The following TAFA1 variants were observed in gnomAD, a reference collection of about 807,000 sequenced individuals.
The protein encoded by TAFA1 is TAFA chemokine like family member 1, also known as chemokine-like protein TAFA-1.
Under a neutral mutation model 18.5 loss-of-function variants are expected in TAFA1, and 4 were observed. The ratio of observed to expected loss-of-function variants is 0.22; its 90% CI spans 0.11 to 0.49. The LOEUF (loss-of-function observed/expected upper bound fraction) is 0.49, where lower values mean the gene tolerates loss of function less well. TAFA1 is among the 20% of genes least tolerant of loss of function. The pLI is 0.98. For synonymous variants in TAFA1, 56 were observed against 55.2 expected, an observed-to-expected ratio of 1.01 and a Z score of -0.06; for missense variants, 147 against 169.0, an observed-to-expected ratio of 0.87 and a Z score of 0.72.
intron 2 of TAFA1, among the ~76,000 whole-genome samples, chr3:68,308,106 A>G (rs989395404): frequency 5.3e-4 from 81 of 152,290 alleles, no homozygotes; most frequent in African/African-American, 1.9e-3. Context: ...AGGAGCCTCA[A>G]AATGATGGAG....
intron 2 of TAFA1, among the ~76,000 whole-genome samples, chr3:68,159,345 CA>C (rs1267221998): frequency 8.6e-5 from 13 of 151,972 alleles, no homozygotes; most frequent in African/African-American, 2.9e-4. Flanking sequence ...TAAAATTCCG[CA>C]AATTGTGCTC....
At position 68,436,281 on chromosome 3, in the gene TAFA1, G is replaced by A. The variant is rs773367848; in HGVS notation, c.259+18861G>A. Among the ~76,000 whole-genome samples the A allele has an allele frequency of 6.6e-5, 10 of 152,218 alleles. No individual in the cohort carries two copies. The South Asian group carries it at 1.7e-3, about 25-fold the overall frequency. ...TGCCCTGCCCTTAGTTTCTTCATTTGTAAGGTGGGCATAACAGTATCTACC... is the reference window on the plus strand; with the variant it reads ...TGCCCTGCCCTTAGTTTCTTCATTTATAAGGTGGGCATAACAGTATCTACC... On this transcript the variant is annotated intron_variant, in intron 3 of 4. Transcript: ENST00000478136.
chr3:68,319,065 T>A (rs1209171530), intron 2 of TAFA1, among the ~76,000 whole-genome samples: 1 of 152,210 alleles, frequency 6.6e-6, no homozygotes, highest in Non-Finnish European at 1.5e-5. Flanking sequence ...ACTTGAGGTA[T>A]CTTGGGTCCT....
chr3:68,478,320 C>T (rs1209981388), intron 3 of TAFA1, among the ~76,000 whole-genome samples: 1 of 152,120 alleles, frequency 6.6e-6, no homozygotes, highest in Non-Finnish European at 1.5e-5. Context: ...GCAAGAAAGT[C>T]AACAGGCCCT....
At chr3:68,206,193 A>T (rs1256381789) in intron 2 of TAFA1, among the ~76,000 whole-genome samples, 2 of 151,862 alleles carry the variant, frequency 1.3e-5, no homozygotes, top group African/African-American at 4.8e-5. Flanking sequence ...TTTGAAAGAG[A>T]TATATTATGT....
At chr3:68,290,848 G>C (rs780299505) in intron 2 of TAFA1, among the ~76,000 whole-genome samples, 41 of 151,640 alleles carry the variant, frequency 2.7e-4, no homozygotes, top group Non-Finnish European at 4.9e-4. Context: ...TATCAACTGT[G>C]AATAGATAAA....
At chr3:68,185,126 A>T (rs542651519) in intron 2 of TAFA1, among the ~76,000 whole-genome samples, 5 of 152,228 alleles carry the variant, frequency 3.3e-5, no homozygotes, top group African/African-American at 7.2e-5. Context: ...CTAAGTGGAG[A>T]TGTGTAGCCA....
intron 2 of TAFA1, among the ~76,000 whole-genome samples, chr3:68,040,916 T>C (rs981181221): frequency 1.3e-5 from 2 of 152,230 alleles, no homozygotes; most frequent in African/African-American, 4.8e-5. Flanking sequence ...AAACTTTTTT[T>C]CTTTAATAAC....
rs180895802 is a variant in TAFA1 at position 68,286,890 on chromosome 3, A to T, written c.119-130390A>T. ...AACAAAAGGAGACCACCTCAACAGG[A>T]CAGCCAGGCCCCCTGACATCAAGCT... On this transcript the variant is annotated intron_variant, in intron 2 of 4. Coordinates refer to ENST00000478136, the MANE Select transcript of TAFA1 (RefSeq NM_213609.4). Among the ~76,000 whole-genome samples the T allele has an allele frequency of 2.0e-4, 30 of 152,346 alleles. No individual in the cohort carries two copies. The East Asian group carries it at 5.6e-3, about 28-fold the overall frequency.
intron 2 of TAFA1, among the ~76,000 whole-genome samples, chr3:68,050,614 C>A (rs1366259680): frequency 2.0e-5 from 3 of 152,098 alleles, no homozygotes; most frequent in African/African-American, 7.2e-5. Flanking sequence ...CTCAGCAGAG[C>A]CTTATGGGTA....
At chr3:68,172,748 A>G (rs1289696152) in intron 2 of TAFA1, among the ~76,000 whole-genome samples, 1 of 152,204 alleles carries the variant, frequency 6.6e-6, no homozygotes, top group African/African-American at 2.4e-5. Flanking sequence ...CTTTATGTTG[A>G]ATGAATAAAG....
At chr3:68,279,409 C>T (rs536527042) in intron 2 of TAFA1, among the ~76,000 whole-genome samples, 1 of 152,140 alleles carries the variant, frequency 6.6e-6, no homozygotes, top group African/African-American at 2.4e-5. Flanking sequence ...TGATCCCTCA[C>T]CTAATTATTA....
intron 2 of TAFA1, among the ~76,000 whole-genome samples, chr3:68,270,685 G>C (rs562626559): frequency 2.6e-5 from 4 of 152,258 alleles, no homozygotes; most frequent in South Asian, 2.1e-4. Flanking sequence ...TCATTAATTA[G>C]AGCTGATCCT....
At position 68,373,326 on chromosome 3, in the gene TAFA1, G is replaced by GA. The variant is rs546855420; in HGVS notation, c.119-43948dup. Among the ~76,000 whole-genome samples the GA allele has an allele frequency of 6.6e-5, 10 of 152,084 alleles. 1 individual carries two copies. The South Asian group carries it at 2.1e-3, about 32-fold the overall frequency. On this transcript the variant is annotated intron_variant, in intron 2 of 4. Coordinates refer to ENST00000478136, the MANE Select transcript of TAFA1 (RefSeq NM_213609.4). The stretch of plus-strand genomic sequence containing the variant: ...GAACATATATTTTTATTCTACAGAG[G>GA]AAAAAACTGAGGTTCAGAAATCATG...
At chr3:68,321,813 A>G (rs929983330) in intron 2 of TAFA1, among the ~76,000 whole-genome samples, 1 of 152,212 alleles carries the variant, frequency 6.6e-6, no homozygotes, top group African/African-American at 2.4e-5. Context: ...CAGGAGGACA[A>G]TAGTCTGCCA....
At chr3:68,321,139 A>G (rs2068692270) in intron 2 of TAFA1, among the ~76,000 whole-genome samples, 1 of 152,174 alleles carries the variant, frequency 6.6e-6, no homozygotes, top group Non-Finnish European at 1.5e-5. Flanking sequence ...TTTCTCTCGA[A>G]TAGGGGATAA....
intron 2 of TAFA1, among the ~76,000 whole-genome samples, chr3:68,381,782 C>T (rs942838520): frequency 9.9e-5 from 15 of 152,154 alleles, no homozygotes; most frequent in Non-Finnish European, 1.9e-4. Context: ...TGCCTGATTG[C>T]CCTGGCCAGA....
chr3:68,210,631 C>T (rs574418791), intron 2 of TAFA1, among the ~76,000 whole-genome samples: 22 of 152,150 alleles, frequency 1.4e-4, no homozygotes, highest in African/African-American at 3.6e-4. Flanking sequence ...TTGCCTAACA[C>T]GTGTACCCAT....
chr3:68,131,566 T>A (rs576631238), intron 2 of TAFA1, among the ~76,000 whole-genome samples: 1 of 152,354 alleles, frequency 6.6e-6, no homozygotes, highest in African/African-American at 2.4e-5. Context: ...TTAAGCAAAC[T>A]TTTTAGCTGT....
Sources: allele counts gnomAD v4.1 joint callset (sites outside exome capture counted in the v4.1 genomes callset), GRCh38; gene constraint gnomAD v4.1.1; transcripts MANE v1.5; gene names NCBI Gene and HGNC (gene_info 2026-07-23, HGNC 2026-07-21).